The following GCKR variants were observed in gnomAD, a reference collection of about 807,000 sequenced individuals.
GCKR encodes glucokinase regulator, also known as glucokinase regulatory protein.
GCKR carries 73 observed loss-of-function variants against 82.9 expected under a neutral mutation model. That is an observed-to-expected ratio of 0.88 (90% CI 0.73 to 1.07). The LOEUF (loss-of-function observed/expected upper bound fraction) is 1.07. GCKR is among the 50% of genes least tolerant of loss of function. The probability of loss-of-function intolerance (pLI) is 0.00; values close to 1 mark genes in which losing one functional copy is unlikely to be tolerated. For missense variants in GCKR, 784 were observed against 782.1 expected, an observed-to-expected ratio of 1.00 and a Z score of -0.03; for synonymous variants, 294 against 291.8, an observed-to-expected ratio of 1.01 and a Z score of -0.08.
At position 27,496,882 on chromosome 2, in the gene GCKR, CA is replaced by C; in HGVS notation, c.-22del. 6.2e-7 allele frequency: 1 copy of C among 1,604,190 alleles called. No homozygotes were observed. Among genetic ancestry groups the C allele is most frequent in the Non-Finnish European group, 8.5e-7 (1 of 1,171,008 alleles). Reference sequence around the variant, plus strand: ...TGTGTGGCTGAAGAGGCAGGAGGAACAGTGTATCCACAGCGTGGGACCATGC... The same window carrying C: ...TGTGTGGCTGAAGAGGCAGGAGGAACGTGTATCCACAGCGTGGGACCATGC... On this transcript the variant is annotated 5_prime_UTR_variant, in exon 1 of 19. Coordinates refer to ENST00000264717, the MANE Select transcript of GCKR (RefSeq NM_001486.4).
intron 9 of GCKR, among the ~76,000 whole-genome samples, chr2:27,505,416 A>G (rs1352219393): frequency 4.6e-5 from 7 of 151,080 alleles, no homozygotes; most frequent in Non-Finnish European, 8.8e-5. Context: ...AAAAAAAAAA[A>G]AAAGAAAAAA....
chr2:27,498,587 C>T (rs966876268), intron 4 of GCKR, 137 bp from the exon 5 acceptor site: 6 of 717,290 alleles, frequency 8.4e-6, no homozygotes, highest in South Asian at 4.5e-5. Flanking sequence ...GCTTTAAGTG[C>T]GAGATTCCAT....
chr2:27,507,539 G>GCAAAACACT, intron 13 of GCKR, 142 bp from the exon 14 acceptor site: 1 of 695,804 alleles, frequency 1.4e-6, no homozygotes, highest in Non-Finnish European at 2.6e-6. Flanking sequence ...ATAATCTTGG[G>GCAAAACACT]CAAAACACTG....
intron 16 of GCKR, among the ~76,000 whole-genome samples, chr2:27,512,719 C>G (rs1327971113): frequency 6.6e-6 from 1 of 152,064 alleles, no homozygotes; most frequent in African/African-American, 2.4e-5. Flanking sequence ...CCCAAATATT[C>G]CTGTATTGTT....
chr2:27,499,599 C>A, intron 7 of GCKR, 149 bp downstream of exon 7: 1 of 748,032 alleles, frequency 1.3e-6, no homozygotes. Context: ...TAACTTGGAT[C>A]AAGTTGTGTG....
intron 16 of GCKR, among the ~76,000 whole-genome samples, chr2:27,512,943 T>A (rs971729161): frequency 6.6e-6 from 1 of 152,168 alleles, no homozygotes; most frequent in Non-Finnish European, 1.5e-5. Flanking sequence ...TCAGGTTAAA[T>A]TTTTTGGCAG....
At chr2:27,520,900 C>T (rs546529186) in intron 17 of GCKR, among the ~76,000 whole-genome samples, 4 of 151,878 alleles carry the variant, frequency 2.6e-5, no homozygotes, top group Non-Finnish European at 5.9e-5. Context: ...AAAAAATAGC[C>T]GGGCATGTTG....
chr2:27,516,826 C>G (rs921180243), intron 16 of GCKR, among the ~76,000 whole-genome samples: 2 of 152,220 alleles, frequency 1.3e-5, no homozygotes, highest in South Asian at 4.2e-4. Flanking sequence ...ACTTACTGGC[C>G]AGTTTCATGC....
At chr2:27,512,307 G>A (rs932397732) in intron 16 of GCKR, among the ~76,000 whole-genome samples, 3 of 151,062 alleles carry the variant, frequency 2.0e-5, no homozygotes, top group African/African-American at 7.3e-5. Flanking sequence ...GGAGGCTGAG[G>A]TGGGTGGATC....
intron 16 of GCKR, among the ~76,000 whole-genome samples, chr2:27,512,783 C>G (rs752414327): frequency 3.3e-5 from 5 of 152,116 alleles, no homozygotes; most frequent in Non-Finnish European, 7.4e-5. Context: ...ATTCAGTTAT[C>G]AGGTCTTTTG....
chr2:27,496,915 C>T lies in GCKR; in HGVS notation c.11C>T (p.Thr4Ile). 3 of 1,613,782 alleles carry T rather than the reference C, an allele frequency of 1.9e-6. No individual in the cohort carries two copies. Among genetic ancestry groups the T allele is most frequent in the Non-Finnish European group, 2.5e-6 (3 of 1,179,686 alleles). Residue 4 changes from threonine to isoleucine, a missense_variant, in exon 1 of 19, where the codon ACA (threonine) becomes ATA (isoleucine). Coordinates refer to ENST00000264717, the MANE Select transcript of GCKR (RefSeq NM_001486.4). ...CCACAGCGTGGGACCATGCCAGGCACAAAACGGTTTCAACATGTCATTGAG... is the reference window on the plus strand; with the variant it reads ...CCACAGCGTGGGACCATGCCAGGCATAAAACGGTTTCAACATGTCATTGAG... MPG[T>I]KRFQHVIETP...
rs2148580533 is a variant in GCKR at position 27,501,163 on chromosome 2, G to A, written c.578G>A (p.Cys193Tyr). The change falls in exon 8 of 19, where the codon TGC becomes TAC. Residue 193 changes from cysteine to tyrosine, a missense_variant. Coordinates refer to ENST00000264717, the MANE Select transcript of GCKR (RefSeq NM_001486.4). ...CCCTTTGTGGCAGGCCAGATGGACT[G>A]CTGCATGAACAACACAGCTGTCTTC... is the stretch of plus-strand genomic sequence containing the variant. Reference protein sequence around the residue: ...SAPFVAGQMDCCMNNTAVFLP... With the variant: ...SAPFVAGQMDYCMNNTAVFLP... 1.2e-6 allele frequency: 2 copies of A among 1,613,978 alleles called. No individual in the cohort carries two copies. Among genetic ancestry groups the A allele is most frequent in the Non-Finnish European group, 1.7e-6 (2 of 1,179,808 alleles).
In GCKR at chr2:27,523,219, T is replaced by C. The variant is rs1309289759; in HGVS notation, c.1708-50T>C. 5 of 1,546,500 alleles carry C rather than the reference T, an allele frequency of 3.2e-6. No homozygotes were observed. The African/African-American group carries it at 5.4e-5, about 17-fold the overall frequency. Reference sequence around the variant, plus strand: ...CGACCTTCCTCCGGGGTTCTTTCTCTGATGACCTCATTCCCTCAGGCTTCA... The same window carrying C: ...CGACCTTCCTCCGGGGTTCTTTCTCCGATGACCTCATTCCCTCAGGCTTCA... On this transcript the variant is annotated intron_variant, in intron 18 of 18. Coordinates refer to ENST00000264717, the MANE Select transcript of GCKR (RefSeq NM_001486.4).
intron 16 of GCKR, among the ~76,000 whole-genome samples, chr2:27,515,022 G>C (rs1553342074): frequency 6.6e-6 from 1 of 152,080 alleles, no homozygotes; most frequent in Non-Finnish European, 1.5e-5. Context: ...CTGTCACCCA[G>C]GCTGGAGTGC....
At chr2:27,517,041 T>C (rs1033148171) in intron 16 of GCKR, among the ~76,000 whole-genome samples, 1 of 145,514 alleles carries the variant, frequency 6.9e-6, no homozygotes, top group African/African-American at 2.6e-5. Flanking sequence ...TAATATGGAG[T>C]CTCATTCTGT....
intron 16 of GCKR, among the ~76,000 whole-genome samples, chr2:27,510,802 T>C (rs761807001): frequency 1.1e-4 from 17 of 152,126 alleles, no homozygotes; most frequent in Admixed American, 9.2e-4. Context: ...TGGGTCTATT[T>C]ACCCATTCTT....
chr2:27,497,816 A>G (rs1288848736), intron 3 of GCKR, among the ~76,000 whole-genome samples, 186 bp downstream of exon 3: 1 of 152,164 alleles, frequency 6.6e-6, no homozygotes, highest in Non-Finnish European at 1.5e-5. Context: ...AATACTTTAT[A>G]ATTGACAATC....
At chr2:27,500,253 G>A (rs1669543898) in intron 7 of GCKR, among the ~76,000 whole-genome samples, 1 of 152,076 alleles carries the variant, frequency 6.6e-6, no homozygotes, top group Non-Finnish European at 1.5e-5. Flanking sequence ...ACCATGCCTG[G>A]CTGATTTTGT....
At chr2:27,510,133 T>C (rs1390608285) in intron 16 of GCKR, among the ~76,000 whole-genome samples, 3 of 151,964 alleles carry the variant, frequency 2.0e-5, no homozygotes, top group Non-Finnish European at 4.4e-5. Context: ...CTCAGCCTCC[T>C]GAGCAGCTGG....
Sources: gnomAD v4.1 joint callset for allele counts (sites outside exome capture counted in the v4.1 genomes callset) on GRCh38, gnomAD v4.1.1 for gene constraint, MANE v1.5 for transcripts, NCBI Gene and HGNC (gene_info 2026-07-23, HGNC 2026-07-21) for gene names.